The following PPM1H variants were observed in gnomAD, a reference collection of about 807,000 sequenced individuals.
The protein encoded by PPM1H is protein phosphatase 1H.
PPM1H carries 27 observed loss-of-function variants against 54.9 expected under a neutral mutation model. That is an observed-to-expected ratio of 0.49 (90% confidence interval 0.36 to 0.68). The LOEUF is 0.68. PPM1H is among the 30% of genes least tolerant of loss of function. The pLI is 0.00. For synonymous variants in PPM1H, 305 were observed against 270.8 expected, an observed-to-expected ratio of 1.13 and a Z score of -1.24; for missense variants, 596 against 667.8, an observed-to-expected ratio of 0.89 and a Z score of 1.19.
chr12:62,692,810 C>T (rs977457168), intron 7 of PPM1H, among the ~76,000 whole-genome samples: 1 of 152,138 alleles, frequency 6.6e-6, no homozygotes, highest in African/African-American at 2.4e-5. Context: ...ATGATTCCTA[C>T]ATGGATCAGA....
chr12:62,668,962 C>A (rs2075937664), intron 8 of PPM1H, among the ~76,000 whole-genome samples: 1 of 152,212 alleles, frequency 6.6e-6, no homozygotes, highest in Non-Finnish European at 1.5e-5. Flanking sequence ...GGTGAATGAG[C>A]TCAAATGAAA....
chr12:62,902,279 G>A (rs1348937229), intron 1 of PPM1H, among the ~76,000 whole-genome samples: 2 of 151,768 alleles, frequency 1.3e-5, no homozygotes, highest in East Asian at 1.9e-4. Flanking sequence ...ACTTAAACCC[G>A]GGAGGCGGAG....
intron 4 of PPM1H, among the ~76,000 whole-genome samples, chr12:62,745,613 T>G (rs163955): frequency 0.69 from 105,365 of 152,072 alleles, 37,584 homozygotes; most frequent in African/African-American, 0.87. Context: ...TGGAGCTCAG[T>G]CACAGCAGCA....
chr12:62,836,869 C>T (rs994337891), intron 1 of PPM1H, among the ~76,000 whole-genome samples: 29 of 152,120 alleles, frequency 1.9e-4, no homozygotes, highest in African/African-American at 4.8e-4. Context: ...CTTTAACCTA[C>T]CAGCCTACCT....
chr12:62,674,181 G>A (rs1372972883), intron 8 of PPM1H, among the ~76,000 whole-genome samples: 1 of 152,142 alleles, frequency 6.6e-6, no homozygotes, highest in Non-Finnish European at 1.5e-5. Context: ...TGATCTCAGG[G>A]CAACCACATC....
At chr12:62,811,555 C>T (rs757179823) in intron 2 of PPM1H, among the ~76,000 whole-genome samples, 3 of 152,148 alleles carry the variant, frequency 2.0e-5, no homozygotes, top group East Asian at 1.9e-4. Flanking sequence ...TGTGTCTCCA[C>T]CCAAATCTCA....
intron 4 of PPM1H, among the ~76,000 whole-genome samples, chr12:62,749,102 T>C (rs1357633847): frequency 6.6e-6 from 1 of 152,232 alleles, no homozygotes; most frequent in African/African-American, 2.4e-5. Flanking sequence ...CCACCCTTAC[T>C]ACTTCTCTTA....
At chr12:62,753,163 CAT>C (rs2076451382) in intron 4 of PPM1H, among the ~76,000 whole-genome samples, 1 of 152,190 alleles carries the variant, frequency 6.6e-6, no homozygotes, top group Non-Finnish European at 1.5e-5. Context: ...ACTGAACTAA[CAT>C]ATTAAGTGAA....
chr12:62,667,378 T>G, intron 8 of PPM1H, 49 bp from the exon 9 acceptor site: 1 of 1,440,202 alleles, frequency 6.9e-7, no homozygotes, highest in Non-Finnish European at 9.4e-7. Context: ...AAGCATATTA[T>G]TCTCCCTAAC....
chr12:62,687,501 T>C (rs2076059988), intron 8 of PPM1H, among the ~76,000 whole-genome samples: 2 of 152,066 alleles, frequency 1.3e-5, no homozygotes, highest in Non-Finnish European at 2.9e-5. Context: ...TCCTCCTGCC[T>C]TAGCCGCCCA....
intron 2 of PPM1H, among the ~76,000 whole-genome samples, chr12:62,826,828 G>A (rs1868296568): frequency 6.6e-6 from 1 of 152,142 alleles, no homozygotes; most frequent in South Asian, 2.1e-4. Flanking sequence ...AACTCTGTTT[G>A]CAGATAAAAC....
intron 7 of PPM1H, among the ~76,000 whole-genome samples, chr12:62,690,173 GATCCATCCATCC>G (rs747377788): frequency 1.7e-4 from 26 of 151,776 alleles, no homozygotes; most frequent in African/African-American, 6.0e-4. Flanking sequence ...AGGATTGATC[GATCCATCCATCC>G]ATCCATCCAT....
At chr12:62,801,305 CT>C (rs1339874768) in intron 3 of PPM1H, among the ~76,000 whole-genome samples, 2 of 151,198 alleles carry the variant, frequency 1.3e-5, no homozygotes, top group African/African-American at 2.5e-5. Flanking sequence ...CACTGTCCCC[CT>C]CTTTCATCTT....
chr12:62,807,650 T>C (rs1218045515), intron 2 of PPM1H, among the ~76,000 whole-genome samples: 1 of 152,122 alleles, frequency 6.6e-6, no homozygotes, highest in African/African-American at 2.4e-5. Flanking sequence ...TAAAAACAAG[T>C]TTATAATGAG....
At chr12:62,904,024 G>C (rs535662063) in intron 1 of PPM1H, among the ~76,000 whole-genome samples, 91 of 152,234 alleles carry the variant, frequency 6.0e-4, no homozygotes, top group Non-Finnish European at 1.0e-3. Flanking sequence ...GAACAGGATA[G>C]AGAAACGTAA....
intron 2 of PPM1H, among the ~76,000 whole-genome samples, chr12:62,823,734 C>T (rs1042419626): frequency 2.0e-4 from 31 of 152,088 alleles, no homozygotes; most frequent in Non-Finnish European, 3.2e-4. Context: ...AACCAGGTAT[C>T]GATGTAACTT....
Position 62,689,822 on chromosome 12 carries a change from G to T in PPM1H, c.1138-16C>A. 1.3e-6 allele frequency: 2 copies of T among 1,578,358 alleles called. No individual in the cohort carries two copies. Among genetic ancestry groups the T allele is most frequent in the Non-Finnish European group, 1.7e-6 (2 of 1,150,474 alleles). On this transcript the variant is annotated splice_polypyrimidine_tract_variant and intron_variant, in intron 7 of 9. Coordinates refer to ENST00000228705, the MANE Select transcript of PPM1H (RefSeq NM_020700.2). ...TTACCCGGGCCTAGGAGTATAAGCAGAGGGTCATCAGAAACACGCACACAG... is the reference window on the plus strand; with the variant it reads ...TTACCCGGGCCTAGGAGTATAAGCATAGGGTCATCAGAAACACGCACACAG...
intron 9 of PPM1H, among the ~76,000 whole-genome samples, chr12:62,664,428 T>C (rs1490652432): frequency 6.6e-6 from 1 of 152,248 alleles, no homozygotes; most frequent in African/African-American, 2.4e-5. Context: ...GAGTTTCCTC[T>C]CCTTTACTAG....
At chr12:62,867,887 A>G (rs1869841966) in intron 1 of PPM1H, among the ~76,000 whole-genome samples, 1 of 152,156 alleles carries the variant, frequency 6.6e-6, no homozygotes, top group Admixed American at 6.5e-5. Context: ...CAGTGTTAGG[A>G]GCAAAATGCA....
Sources: gnomAD v4.1 joint callset for allele counts (sites outside exome capture counted in the v4.1 genomes callset) on GRCh38, gnomAD v4.1.1 for gene constraint, MANE v1.5 for transcripts, NCBI Gene and HGNC (gene_info 2026-07-23, HGNC 2026-07-21) for gene names.